The following ABLIM1 variants were observed in gnomAD, a reference collection of about 807,000 sequenced individuals.
The protein encoded by ABLIM1 is actin-binding LIM protein 1.
Under a neutral mutation model 107.0 loss-of-function variants are expected in ABLIM1, and 40 were observed. The observed-to-expected ratio is 0.37, with a 90% CI of 0.29 to 0.49. The LOEUF is 0.49. Among genes scored for constraint, ABLIM1 ranks in the 20% least tolerant of loss-of-function variants. The pLI is 0.97. For missense variants in ABLIM1, 857 were observed against 1,008.5 expected (o/e 0.85, Z 2.04); for synonymous variants, 357 against 357.3 (o/e 1.00, Z 0.01).
intron 1 of ABLIM1, among the ~76,000 whole-genome samples, chr10:114,641,964 C>T (rs2078773836): frequency 6.6e-6 from 1 of 152,156 alleles, no homozygotes; most frequent in African/African-American, 2.4e-5. Flanking sequence ...CTCACTGCAG[C>T]CTCAACCTCC....
intron 6 of ABLIM1, among the ~76,000 whole-genome samples, chr10:114,528,880 G>A (rs150113063): frequency 1.0e-3 from 154 of 152,328 alleles, no homozygotes; most frequent in African/African-American, 3.2e-3. Context: ...TGATTGTTAG[G>A]CATAGTGGTT....
the ABLIM1 span, among the ~76,000 whole-genome samples, chr10:114,799,887 A>G: frequency 2.2e-4 from 34 of 152,078 alleles, no homozygotes; most frequent in Admixed American, 2.2e-3. Context: ...GTGATTCTCC[A>G]GGCTCAGCCT....
At chr10:114,737,093 G>A (rs561940901) in intron 1 of ABLIM1, among the ~76,000 whole-genome samples, 202 of 150,530 alleles carry the variant, frequency 1.3e-3, no homozygotes, top group African/African-American at 4.8e-3. Context: ...AAAGGCTGAG[G>A]CAGGCAGATC....
intron 1 of ABLIM1, among the ~76,000 whole-genome samples, chr10:114,721,120 A>G (rs1040572353): frequency 1.3e-5 from 2 of 152,062 alleles, no homozygotes; most frequent in Non-Finnish European, 2.9e-5. Context: ...CTGCCACACT[A>G]TTAATAGATT....
chr10:114,543,587 T>C (rs751278333), intron 6 of ABLIM1, among the ~76,000 whole-genome samples: 4 of 152,236 alleles, frequency 2.6e-5, no homozygotes, highest in Admixed American at 2.0e-4. Context: ...ATAGGGCTGC[T>C]GTGAACGCGT....
At chr10:114,601,265 CTT>C (rs781514757) in intron 2 of ABLIM1, among the ~76,000 whole-genome samples, 35 of 137,850 alleles carry the variant, frequency 2.5e-4, no homozygotes, top group Non-Finnish European at 1.8e-4. Flanking sequence ...CTCTTTCTTT[CTT>C]TTTTTTTTTT....
At chr10:114,545,476 G>C (rs111454223) in intron 5 of ABLIM1, among the ~76,000 whole-genome samples, 72 of 152,116 alleles carry the variant, frequency 4.7e-4, no homozygotes, top group Non-Finnish European at 6.2e-4. Flanking sequence ...TAATAAACCA[G>C]AGAAAGAATG....
chr10:114,595,274 A>T (rs2075305244), intron 2 of ABLIM1: 1 of 152,236 alleles, frequency 6.6e-6, no homozygotes, highest in African/African-American at 2.4e-5. Flanking sequence ...TATAATTCAC[A>T]TTTAAAGAGA....
chr10:114,644,295 AAAAAAAAAAAAAT>A (rs925500349), intron 1 of ABLIM1, among the ~76,000 whole-genome samples: 1 of 99,704 alleles, frequency 1.0e-5, no homozygotes, highest in African/African-American at 5.1e-5. Context: ...AAAAAAAAAA[AAAAAAAAAAAAAT>A]ATATATATAT....
At chr10:114,748,219 A>C (rs2082426166) in intron 1 of ABLIM1, among the ~76,000 whole-genome samples, 1 of 152,040 alleles carries the variant, frequency 6.6e-6, no homozygotes, top group Admixed American at 6.6e-5. Flanking sequence ...AGGACTCATG[A>C]AGTAAGTTTG....
intron 1 of ABLIM1, among the ~76,000 whole-genome samples, chr10:114,694,115 T>C (rs921195191): frequency 6.6e-6 from 1 of 152,224 alleles, no homozygotes; most frequent in South Asian, 2.1e-4. Flanking sequence ...ATTCGGTTGA[T>C]AAAAATTGAA....
Position 114,571,319 on chromosome 10 carries a change from C to A in ABLIM1, c.651G>T (p.Pro217=), listed in dbSNP as rs759803760. The A allele has an allele frequency of 3.1e-6, 5 of 1,614,068 alleles. No individual in the cohort carries two copies. In the African/African-American group the frequency reaches 5.3e-5, roughly 17 times the overall value. ...TACTGCTGGAGAAGGTGGTTTCTTT[C>A]GGACTGGACGACATCGGCTGTGCAC... The part of the protein sequence containing the change: ...QLCAQPMSSS[P]KETTFSSNCA... Residue 217 remains proline (P), a synonymous_variant, in exon 4 of 23, where the codon CCG becomes CCT. Coordinates refer to ENST00000533213, the MANE Select transcript of ABLIM1 (RefSeq NM_002313.7).
At chr10:114,503,124 C>A (rs892327503) in intron 6 of ABLIM1, among the ~76,000 whole-genome samples, 1 of 152,044 alleles carries the variant, frequency 6.6e-6, no homozygotes, top group Non-Finnish European at 1.5e-5. Context: ...TTTATTTATC[C>A]ATTCTACTAT....
intron 2 of ABLIM1, among the ~76,000 whole-genome samples, chr10:114,593,029 T>TAGAAAGTAGA: frequency 6.1e-5 from 1 of 16,392 alleles, no homozygotes; most frequent in African/African-American, 3.1e-4. Flanking sequence ...ATGAGGTCAC[T>TAGAAAGTAGA]CTGAGTATGG....
At chr10:114,624,433 C>T (rs1200557885) in intron 1 of ABLIM1, among the ~76,000 whole-genome samples, 1 of 152,160 alleles carries the variant, frequency 6.6e-6, no homozygotes, top group African/African-American at 2.4e-5. Context: ...GTCAATTTGT[C>T]GTTCTTTAAA....
In ABLIM1 at chr10:114,649,771, C is replaced by T. The variant is rs550145675; in HGVS notation, c.244+8186G>A. On this transcript the variant is annotated intron_variant, in intron 1 of 22. Transcript: ENST00000533213. Reference sequence around the variant, plus strand: ...ATATTACCTTCCTACTGGTAGCCTTCGTCTTGTAGTCCATAGACAAATCAA... The same window carrying T: ...ATATTACCTTCCTACTGGTAGCCTTTGTCTTGTAGTCCATAGACAAATCAA... 3.7e-4 allele frequency among the ~76,000 whole-genome samples: 57 copies of T among 152,206 alleles called. 1 individual carries two copies. The South Asian group carries it at 0.011, about 29-fold the overall frequency.
intron 1 of ABLIM1, among the ~76,000 whole-genome samples, chr10:114,699,557 T>C (rs2081266966): frequency 6.6e-6 from 1 of 152,042 alleles, no homozygotes; most frequent in South Asian, 2.1e-4. Context: ...AGGGTGATAA[T>C]GTCCTCATTC....
In ABLIM1 at chr10:114,582,846, T is replaced by C. The variant is rs1352034205; in HGVS notation, c.380-7247A>G. 2.6e-5 allele frequency among the ~76,000 whole-genome samples: 4 copies of C among 152,240 alleles called. No individual in the cohort carries two copies. The East Asian group carries it at 7.7e-4, about 29-fold the overall frequency. On this transcript the variant is annotated intron_variant, in intron 2 of 22. Coordinates refer to ENST00000533213, the MANE Select transcript of ABLIM1 (RefSeq NM_002313.7). ...GAAACTAGACCCCTACCTATCACCA[T>C]ATACAAAAATTAACTCAAGATAGAT...
intron 3 of ABLIM1, 40 bp downstream of exon 3, chr10:114,575,376 T>C (rs749507623): frequency 1.9e-6 from 3 of 1,597,954 alleles, no homozygotes; most frequent in Non-Finnish European, 2.6e-6. Context: ...ATTTCTCTGT[T>C]GGAGGAAGGT....
Sources: gnomAD v4.1 joint callset for allele counts (sites outside exome capture counted in the v4.1 genomes callset) on GRCh38, gnomAD v4.1.1 for gene constraint, MANE v1.5 for transcripts, NCBI Gene and HGNC (gene_info 2026-07-23, HGNC 2026-07-21) for gene names.